The following HDAC4 variants were observed in gnomAD, a reference collection of about 807,000 sequenced individuals.
The protein encoded by HDAC4 is histone deacetylase A.
HDAC4 carries 16 observed loss-of-function variants against 135.1 expected under a neutral mutation model. The observed-to-expected ratio is 0.12, with a 90% confidence interval of 0.08 to 0.18. The LOEUF is 0.18. Among genes scored for constraint, HDAC4 ranks in the 10% least tolerant of loss-of-function variants. The pLI, the probability that HDAC4 is intolerant of heterozygous loss-of-function variation, is 1.00. For synonymous variants in HDAC4, 685 were observed against 653.4 expected (o/e 1.05, Z -0.74); for missense variants, 1,143 against 1,511.8 (o/e 0.76, Z 4.05).
At chr2:239,384,250 T>G (rs537799751) in intron 1 of HDAC4, among the ~76,000 whole-genome samples, 1 of 152,204 alleles carries the variant, frequency 6.6e-6, no homozygotes, top group South Asian at 2.1e-4. Context: ...AGATCCATGA[T>G]CTCCCTAAAG....
At chr2:239,082,270 G>A (rs2152687949) in intron 20 of HDAC4, 49 bp from the exon 21 acceptor site, 1 of 1,613,434 alleles carries the variant, frequency 6.2e-7, no homozygotes. Flanking sequence ...GTATTGGAGG[G>A]TGGCCTCCCC....
intron 2 of HDAC4, among the ~76,000 whole-genome samples, chr2:239,266,019 C>A (rs2049705627): frequency 6.6e-6 from 1 of 152,182 alleles, no homozygotes; most frequent in African/African-American, 2.4e-5. Flanking sequence ...CCAGCTCCCC[C>A]TCTAAGGACA....
intron 3 of HDAC4, among the ~76,000 whole-genome samples, chr2:239,197,997 T>C (rs2045515693): frequency 6.6e-6 from 1 of 151,878 alleles, no homozygotes; most frequent in African/African-American, 2.4e-5. Context: ...GGATTACAGG[T>C]GTGCACCACC....
intron 2 of HDAC4, among the ~76,000 whole-genome samples, chr2:239,324,999 T>G (rs2053429213): frequency 6.6e-6 from 1 of 152,112 alleles, no homozygotes; most frequent in Non-Finnish European, 1.5e-5. Flanking sequence ...GCAAGCAACA[T>G]CCTCTTCAAC....
chr2:239,095,924 G>A (rs1167583879), intron 16 of HDAC4, among the ~76,000 whole-genome samples: 1 of 152,172 alleles, frequency 6.6e-6, no homozygotes, highest in African/African-American at 2.4e-5. Context: ...GAGCTGGAGT[G>A]ACATCTCACA....
At chr2:239,175,946 T>G (rs2043733547) in intron 5 of HDAC4, among the ~76,000 whole-genome samples, 1 of 152,122 alleles carries the variant, frequency 6.6e-6, no homozygotes, top group African/African-American at 2.4e-5. Context: ...CTGGGGGAGC[T>G]AACCATGGGT....
chr2:239,159,604 ACACT>A (rs760638870), intron 6 of HDAC4, among the ~76,000 whole-genome samples: 10 of 148,694 alleles, frequency 6.7e-5, no homozygotes, highest in African/African-American at 1.7e-4. Context: ...CTCATACCCC[ACACT>A]CACCTCACCC....
intron 1 of HDAC4, among the ~76,000 whole-genome samples, chr2:239,369,003 G>A (rs1304635957): frequency 8.5e-5 from 13 of 152,128 alleles, no homozygotes. Flanking sequence ...AACCCCACGG[G>A]TGACACACCA....
chr2:239,201,629 C>G (rs1034020575), intron 3 of HDAC4, among the ~76,000 whole-genome samples: 2 of 152,130 alleles, frequency 1.3e-5, no homozygotes, highest in East Asian at 1.9e-4. Flanking sequence ...AAGGCCGAGA[C>G]AACAGCCCCA....
chr2:239,323,811 G>GA (rs764612957), intron 2 of HDAC4, among the ~76,000 whole-genome samples: 199 of 152,094 alleles, frequency 1.3e-3, no homozygotes, highest in Non-Finnish European at 2.5e-3. Flanking sequence ...CCTGCACAGG[G>GA]AAAAAACGCT....
chr2:239,053,442 G>A lies in HDAC4; in HGVS notation c.3230+18C>T, dbSNP rs200713014. 1.7e-3 allele frequency: 2,669 copies of A among 1,610,110 alleles called. 5 individuals carry two copies. Among genetic ancestry groups the A allele is most frequent in the Non-Finnish European group, 2.1e-3 (2,449 of 1,177,764 alleles). ...GGGCTGGGTGAGCCTGCAGGCGGGC[G>A]GCAGGGCAGGTGCTCACCTCTTTTC... On this transcript the variant is annotated intron_variant, in intron 26 of 26. Coordinates refer to ENST00000543185, the MANE Select transcript of HDAC4 (RefSeq NM_001378414.1).
intron 9 of HDAC4, among the ~76,000 whole-genome samples, chr2:239,135,574 C>T (rs2040897251): frequency 6.6e-6 from 1 of 152,212 alleles, no homozygotes; most frequent in Admixed American, 6.5e-5. Flanking sequence ...GTTAGTGGCA[C>T]CCTTTCTGCA....
At chr2:239,235,956 C>T (rs1559265419) in intron 3 of HDAC4, among the ~76,000 whole-genome samples, 1 of 152,190 alleles carries the variant, frequency 6.6e-6, no homozygotes, top group Non-Finnish European at 1.5e-5. Context: ...AGGAGAATCG[C>T]TTGAACCCGG....
intron 1 of HDAC4, among the ~76,000 whole-genome samples, chr2:239,358,590 G>A (rs1693666802): frequency 6.6e-6 from 1 of 152,180 alleles, no homozygotes; most frequent in Admixed American, 6.5e-5. Context: ...CCTCTCAGCA[G>A]GCAGCGCGCG....
rs1360102282 is a variant in HDAC4, at chr2:239,139,549, C to T, written c.978+135G>A. The T allele has an allele frequency of 1.2e-6, 1 of 833,398 alleles. No individual in the cohort carries two copies. Among genetic ancestry groups the T allele is most frequent in the Admixed American group, 1.7e-5 (1 of 57,990 alleles). The allele number at this position is 833,398 out of a possible 1,614,324, so 51.6% of individuals were successfully genotyped here. On this transcript the variant is annotated intron_variant, in intron 9 of 26. Coordinates refer to ENST00000543185, the MANE Select transcript of HDAC4 (RefSeq NM_001378414.1). The surrounding 1 kb of genome is among the most constrained non-coding windows in gnomAD (Gnocchi z 5.3). The stretch of plus-strand genomic sequence containing the variant: ...TCCAACTGCGTCCTTTTTAGGATGG[C>T]TCACAGGCCACTTTCCCTCACCCCA...
intron 2 of HDAC4, among the ~76,000 whole-genome samples, chr2:239,273,605 C>A (rs56137247): frequency 0.14 from 21,105 of 152,202 alleles, 2,062 homozygotes; most frequent in East Asian, 0.43. Context: ...CGCCCACGCC[C>A]CCATGCCACA....
intron 12 of HDAC4, among the ~76,000 whole-genome samples, chr2:239,116,708 C>T (rs3791422): frequency 0.4 from 60,826 of 152,128 alleles, 13,772 homozygotes; most frequent in South Asian, 0.68. Context: ...TGCTGAAGAG[C>T]CCCTCCATCG....
chr2:239,063,611 C>T (rs1281913539), intron 24 of HDAC4, among the ~76,000 whole-genome samples: 1 of 152,170 alleles, frequency 6.6e-6, no homozygotes, highest in Non-Finnish European at 1.5e-5. Context: ...CCCAACAGAC[C>T]ACCTCAGGCC....
intron 23 of HDAC4, among the ~76,000 whole-genome samples, chr2:239,067,170 T>A (rs1032989378): frequency 6.6e-6 from 1 of 152,240 alleles, no homozygotes; most frequent in Non-Finnish European, 1.5e-5. Flanking sequence ...AGAGGGGCTA[T>A]GGCCATGCTC....
Sources: allele counts gnomAD v4.1 joint callset (sites outside exome capture counted in the v4.1 genomes callset), GRCh38; gene constraint gnomAD v4.1.1; non-coding constraint Gnocchi (gnomAD v3.1); transcripts MANE v1.5; gene names NCBI Gene and HGNC (gene_info 2026-07-23, HGNC 2026-07-21).